Variants in DUSP15 observed in about 807,000 individuals in gnomAD.
DUSP15 encodes dual specificity protein phosphatase 15.
A neutral mutation model predicts 26.3 loss-of-function variants in DUSP15; 23 were observed. The ratio of observed to expected loss-of-function variants is 0.87; its 90% CI spans 0.63 to 1.24. The LOEUF (loss-of-function observed/expected upper bound fraction) is 1.24, where lower values mean the gene tolerates loss of function less well. Among genes scored for constraint, DUSP15 ranks in the 50% most tolerant of loss-of-function variants. The pLI is 0.00. For synonymous variants in DUSP15, 143 were observed against 135.5 expected (o/e 1.06, Z -0.39); for missense variants, 364 against 320.6 (o/e 1.14, Z -1.03).
rs2062875070 is a variant in DUSP15, at chr20:31,869,691, A to G, written c.22-94T>C. The G allele has an allele frequency of 5.1e-6, 8 of 1,554,698 alleles. No homozygotes were observed. The South Asian group carries it at 9.5e-5, about 18-fold the overall frequency. On this transcript the variant is annotated intron_variant, in intron 1 of 6. Transcript: ENST00000339738. ...GGGGCCCACAGCCCCTCTCTGTCCC[A>G]TGAAGGGTATGGACCTCAGGGCTCA...
downstream of DUSP15, among the ~76,000 whole-genome samples, chr20:31,846,282 A>T (rs1283426756): frequency 1.4e-5 from 1 of 72,706 alleles, no homozygotes; most frequent in Non-Finnish European, 2.5e-5. Flanking sequence ...AAACACAGAG[A>T]CACAGACACA....
chr20:31,870,063 G>T lies in DUSP15; in HGVS notation c.21+254C>A. The T allele has an allele frequency of 7.9e-7, 1 of 1,266,774 alleles. No individual in the cohort carries two copies. The allele number at this position is 1,266,774 out of a possible 1,614,324, so 78.5% of individuals were successfully genotyped here. On this transcript the variant is annotated intron_variant, in intron 1 of 6. Coordinates refer to ENST00000339738, the MANE Select transcript of DUSP15 (RefSeq NM_080611.5). The surrounding 1 kb of genome is among the most constrained non-coding windows in gnomAD (Gnocchi z 6.6). ...CAGGACTCACTGGGAGACAGCCTGG[G>T]AGTGACAGCCACAGCAAGACAGCGA...
rs759662409 is a variant in DUSP15 at position 31,870,075 on chromosome 20, C to T, written c.21+242G>A. 8 of 1,258,304 alleles carry T rather than the reference C, an allele frequency of 6.4e-6. No homozygotes were observed. The highest frequency in any genetic ancestry group is 8.0e-6 in the Non-Finnish European group (8 of 1,002,136). The allele number at this position is 1,258,304 out of a possible 1,614,324, so 77.9% of individuals were successfully genotyped here. On this transcript the variant is annotated intron_variant, in intron 1 of 6. Coordinates refer to ENST00000339738, the MANE Select transcript of DUSP15 (RefSeq NM_080611.5). The surrounding 1 kb of genome is among the most constrained non-coding windows in gnomAD (Gnocchi z 6.6). ...GGAGACAGCCTGGGAGTGACAGCCA[C>T]AGCAAGACAGCGAGAGACACACAGA...
At chr20:31,852,684 G>A (rs1379949462) in intron 6 of DUSP15, among the ~76,000 whole-genome samples, 1 of 152,154 alleles carries the variant, frequency 6.6e-6, no homozygotes, top group African/African-American at 2.4e-5. Flanking sequence ...GGTGGCAGGC[G>A]CCTGTAATCC....
chr20:31,861,583 C>A lies in DUSP15; in HGVS notation c.528G>T (p.Arg176=). The change falls in exon 7 of 7, where the codon CGG becomes CGT. Residue 176 remains arginine (R), a synonymous_variant. Coordinates refer to ENST00000339738, the MANE Select transcript of DUSP15 (RefSeq NM_080611.5). ...RALLPLCKRC[R]QGSATSASSA... is the part of the protein sequence containing the mutation. ...AGGAGGCCGAGGTCGCGGAGCCCTG[C>A]CGGCAGCGCTTGCACAGCGGCAGCA... is the stretch of plus-strand genomic sequence containing the variant. The A allele has an allele frequency of 6.7e-7, 1 of 1,496,990 alleles. No homozygotes were observed. Among genetic ancestry groups the A allele is most frequent in the Non-Finnish European group, 8.8e-7 (1 of 1,131,490 alleles). 92.7% of individuals were successfully genotyped at this position (1,496,990 alleles called of 1,614,324 possible). A position where few individuals can be genotyped will look rare whatever the true frequency, so the allele number is the denominator to read the frequency against.
Position 31,861,329 on chromosome 20 carries a change from G to C in DUSP15, c.*74C>G. On this transcript the variant is annotated 3_prime_UTR_variant, in exon 7 of 7. Transcript: ENST00000339738. ...CTCCCCCAGCCTCTGGGCCCGTCCT[G>C]GGGGGCGTGGAAGGCGCAGACAGCC... 4 of 1,419,468 alleles carry C rather than the reference G, an allele frequency of 2.8e-6. No homozygotes were observed. The highest frequency in any genetic ancestry group is 3.7e-6 in the Non-Finnish European group (4 of 1,090,666). 87.9% of individuals were successfully genotyped at this position (1,419,468 alleles called of 1,614,324 possible). A position where few individuals can be genotyped will look rare whatever the true frequency, so the allele number is the denominator to read the frequency against.
At position 31,863,910 on chromosome 20, in the gene DUSP15, T is replaced by G. The variant is rs771583604; in HGVS notation, c.260A>C (p.His87Pro). The G allele has an allele frequency of 3.1e-6, 5 of 1,611,796 alleles. No homozygotes were observed. Among genetic ancestry groups the G allele is most frequent in the Non-Finnish European group, 8.5e-7 (1 of 1,178,420 alleles). Reference protein sequence around the residue: ...CRLNGGNCLVHCFAGISRSTT... With the variant: ...CRLNGGNCLVPCFAGISRSTT... ...TATCCCCCTCCGCTTAACTCACCAGTGCACAAGGCAGTTCCCCCCATTAAG... is the reference window on the plus strand; with the variant it reads ...TATCCCCCTCCGCTTAACTCACCAGGGCACAAGGCAGTTCCCCCCATTAAG... The change falls in exon 5 of 7, where the codon CAC becomes CCC. Residue 87 changes from histidine to proline, a missense_variant. By Grantham distance (77) the His-to-Pro change is moderately conservative (BLOSUM62 -2). Transcript: ENST00000339738.
intron 6 of DUSP15, among the ~76,000 whole-genome samples, chr20:31,851,427 C>T (rs1171738084): frequency 1.3e-5 from 2 of 151,554 alleles, no homozygotes; most frequent in Non-Finnish European, 2.9e-5. Flanking sequence ...GAGCTGGACC[C>T]GATGGGGTGC....
At chr20:31,862,807 C>A in intron 5 of DUSP15, 65 bp from the exon 6 acceptor site, 1 of 1,477,184 alleles carries the variant, frequency 6.8e-7, no homozygotes, top group Non-Finnish European at 9.0e-7. Flanking sequence ...CCCCAGGCAC[C>A]CCACCCTGCT....
chr20:31,865,056 T>A, intron 3 of DUSP15, 54 bp from the exon 4 acceptor site: 3 of 1,600,042 alleles, frequency 1.9e-6, no homozygotes, highest in Non-Finnish European at 2.6e-6. Context: ...CCCTCCCTGA[T>A]GCTGGTCCGA....
At chr20:31,846,526 C>T (rs549388880), downstream of DUSP15, among the ~76,000 whole-genome samples, 1 of 151,584 alleles carries the variant, frequency 6.6e-6, no homozygotes, top group East Asian at 1.9e-4. Context: ...AGAGAAGCCC[C>T]AGGGGCTTCT....
downstream of DUSP15, among the ~76,000 whole-genome samples, chr20:31,858,979 G>A (rs902628058): frequency 2.6e-4 from 40 of 152,206 alleles, no homozygotes; most frequent in African/African-American, 9.4e-4. The surrounding 1 kb of genome is among the most constrained non-coding windows in gnomAD (Gnocchi z 4.4). Context: ...CCCACTTACC[G>A]ACTGCTCATC....
chr20:31,850,189 A>G (rs1003078733), intron 7 of DUSP15, among the ~76,000 whole-genome samples: 14 of 152,362 alleles, frequency 9.2e-5, no homozygotes, highest in Admixed American at 8.5e-4. Flanking sequence ...ATTTTGATGC[A>G]GGTAGAAATA....
At chr20:31,859,647 C>G (rs935353931), downstream of DUSP15, among the ~76,000 whole-genome samples, 52 of 152,286 alleles carry the variant, frequency 3.4e-4, no homozygotes, top group African/African-American at 1.2e-3. Context: ...TGATGGGGGC[C>G]ATGGAGGCTT....
At chr20:31,857,961 A>T (rs1218581903), downstream of DUSP15, among the ~76,000 whole-genome samples, 2 of 152,230 alleles carry the variant, frequency 1.3e-5, no homozygotes. Context: ...AGGTCGTGGC[A>T]GCCTTGGCTG....
At chr20:31,867,232 G>A in intron 2 of DUSP15, 79 bp from the exon 3 acceptor site, 1 of 1,298,248 alleles carries the variant, frequency 7.7e-7, no homozygotes, top group Non-Finnish European at 1.1e-6. Flanking sequence ...CTCACTGCCT[G>A]CCCAGCTCTC....
chr20:31,852,927 CTTTG>C (rs1360581620), intron 6 of DUSP15, among the ~76,000 whole-genome samples: 2 of 152,192 alleles, frequency 1.3e-5, no homozygotes, highest in Admixed American at 6.5e-5. Context: ...GGAGGGGCCT[CTTTG>C]TTGGTGCCCT....
intron 6 of DUSP15, among the ~76,000 whole-genome samples, chr20:31,862,348 G>A (rs576475023): frequency 2.0e-5 from 3 of 152,250 alleles, no homozygotes; most frequent in African/African-American, 4.8e-5. Context: ...GGAAGGGCCC[G>A]CACTGATCTA....
chr20:31,868,572 C>T (rs532728679), intron 2 of DUSP15, among the ~76,000 whole-genome samples: 2 of 150,984 alleles, frequency 1.3e-5, no homozygotes, highest in East Asian at 2.0e-4. Flanking sequence ...CCCCGCCTCC[C>T]GGGTTCAAGT....
Sources: gnomAD v4.1 joint callset for allele counts (sites outside exome capture counted in the v4.1 genomes callset) on GRCh38, gnomAD v4.1.1 for gene constraint, Gnocchi (gnomAD v3.1) non-coding constraint, MANE v1.5 for transcripts, NCBI Gene and HGNC (gene_info 2026-07-23, HGNC 2026-07-21) for gene names.